The following LINC00237 variants were observed in gnomAD, a reference collection of about 807,000 sequenced individuals.
LINC00237 encodes long independently transcribed non-coding RNA 237, also known as long intergenic non-protein coding RNA 237.
At chr20:21,090,163 C>T (rs1450508830) in intron 2 of LINC00237, 1 of 152,302 alleles carries the variant, frequency 6.6e-6, no homozygotes, top group Non-Finnish European at 1.5e-5. Context: ...CATTTGGTTC[C>T]GCTTTCCGAC....
intron 1 of LINC00237, among the ~76,000 whole-genome samples, chr20:21,104,206 G>A (rs1369606921): frequency 6.6e-6 from 1 of 152,132 alleles, no homozygotes; most frequent in African/African-American, 2.4e-5. Flanking sequence ...GTTCTCCTTG[G>A]GCCCAGCCAC....
At chr20:21,090,944 C>T (rs2030783955) in intron 2 of LINC00237, among the ~76,000 whole-genome samples, 1 of 152,134 alleles carries the variant, frequency 6.6e-6, no homozygotes, top group African/African-American at 2.4e-5. Flanking sequence ...GTATCTTGAT[C>T]TTTGCCCGGG....
intron 3 of LINC00237, among the ~76,000 whole-genome samples, chr20:21,086,560 A>C (rs1174675037): frequency 9.1e-6 from 1 of 109,924 alleles, no homozygotes; most frequent in Non-Finnish European, 1.9e-5. Flanking sequence ...TGTACTATAT[A>C]TATAGTACAT....
rs6035781 is a variant in LINC00237 at position 21,099,718 on chromosome 20, G to A, written n.89-5866C>T. Among the ~76,000 whole-genome samples the A allele has an allele frequency of 6.9e-3, 1,044 of 152,206 alleles. 12 individuals are homozygous for A. The highest frequency in any genetic ancestry group is 0.024 in the African/African-American group (1,006 of 41,504). ...TTAATGATAATTACTTATTTTACAC[G>A]TTGTCGTCTGCTGATGTTTAAAAGA... On this transcript the variant is annotated intron_variant and non_coding_transcript_variant, in intron 1 of 3. Coordinates refer to ENST00000691244, the Ensembl canonical transcript of LINC00237.
At chr20:21,092,106 A>G (rs757597258) in intron 2 of LINC00237, among the ~76,000 whole-genome samples, 6 of 152,204 alleles carry the variant, frequency 3.9e-5, no homozygotes, top group Non-Finnish European at 5.9e-5. Flanking sequence ...TAAAGAGTCC[A>G]TCAGGAGATG....
At chr20:21,098,222 A>T (rs1345734286) in intron 1 of LINC00237, among the ~76,000 whole-genome samples, 1 of 152,218 alleles carries the variant, frequency 6.6e-6, no homozygotes, top group Non-Finnish European at 1.5e-5. Context: ...ATGTTTTCAA[A>T]TCACTCTGCT....
In LINC00237 at chr20:21,101,602, A is replaced by G. The variant is rs1177293027; in HGVS notation, n.88+4669T>C. 1 of 152,350 alleles carries G rather than the reference A, an allele frequency of 6.6e-6. No homozygotes were observed. Among genetic ancestry groups the G allele is most frequent in the Non-Finnish European group, 1.5e-5 (1 of 68,180 alleles). The allele number at this position is 152,350 out of a possible 1,614,324, so 9.4% of individuals were successfully genotyped here. On this transcript the variant is annotated intron_variant and non_coding_transcript_variant, in intron 1 of 3. Transcript: ENST00000691244. The surrounding 1 kb of genome is among the most constrained non-coding windows in gnomAD (Gnocchi z 4.3). ...GGCCCCAGGTTGGAGTAGCCACGCT[A>G]GCGGCTAGGCCGTTCCACCGGGTAG... is the stretch of plus-strand genomic sequence containing the variant.
intron 1 of LINC00237, among the ~76,000 whole-genome samples, chr20:21,104,885 C>T (rs2030978079): frequency 6.6e-6 from 1 of 152,200 alleles, no homozygotes; most frequent in African/African-American, 2.4e-5. Flanking sequence ...TTTTTCTATA[C>T]TGTGACCTCT....
intron 2 of LINC00237, chr20:21,090,383 GC>G (rs2122169215): frequency 6.6e-6 from 1 of 152,292 alleles, no homozygotes; most frequent in African/African-American, 2.4e-5. Flanking sequence ...CATTCTCTCA[GC>G]AGTCTTCTCT....
At position 21,101,789 on chromosome 20, in the gene LINC00237, C is replaced by G. The variant is rs1440098091; in HGVS notation, n.88+4482G>C. On this transcript the variant is annotated intron_variant and non_coding_transcript_variant, in intron 1 of 3. Coordinates refer to ENST00000691244, the Ensembl canonical transcript of LINC00237. The surrounding 1 kb of genome is among the most constrained non-coding windows in gnomAD (Gnocchi z 4.3). ...TGGTCAAGAAAGGTTTCCTCGGCTG[C>G]GCCACCGTGGGGATGGAGGTGGGAG... 2.6e-5 allele frequency among the ~76,000 whole-genome samples: 4 copies of G among 152,210 alleles called. No individual in the cohort carries two copies.
chr20:21,101,495 G>C lies in LINC00237; in HGVS notation n.88+4776C>G, dbSNP rs1425378582. ...GAGAGTGACAGAGGCGCGTGCGGGG[G>C]AAAGGCCCACCCACGCTGTCCCTGG... On this transcript the variant is annotated intron_variant and non_coding_transcript_variant, in intron 1 of 3. Transcript: ENST00000691244. The surrounding 1 kb of genome is among the most constrained non-coding windows in gnomAD (Gnocchi z 4.3). 1 of 152,186 alleles carries C rather than the reference G, an allele frequency of 6.6e-6. No homozygotes were observed. Among genetic ancestry groups the C allele is most frequent in the Non-Finnish European group, 1.5e-5 (1 of 68,090 alleles). The allele number at this position is 152,186 out of a possible 1,614,324, so 9.4% of individuals were successfully genotyped here. A position where few individuals can be genotyped will look rare whatever the true frequency, so the allele number is the denominator to read the frequency against.
At chr20:21,088,813 G>C (rs1298452072) in intron 2 of LINC00237, among the ~76,000 whole-genome samples, 2 of 152,062 alleles carry the variant, frequency 1.3e-5, no homozygotes, top group Non-Finnish European at 2.9e-5. Flanking sequence ...CCATGGGCTT[G>C]TGATGAGAGT....
intron 1 of LINC00237, among the ~76,000 whole-genome samples, chr20:21,104,198 T>A (rs1475890994): frequency 6.6e-6 from 1 of 152,170 alleles, no homozygotes; most frequent in Non-Finnish European, 1.5e-5. Flanking sequence ...TTTAAATTGT[T>A]CTCCTTGGGC....
At chr20:21,097,652 G>A (rs2122177888) in intron 1 of LINC00237, among the ~76,000 whole-genome samples, 1 of 152,122 alleles carries the variant, frequency 6.6e-6, no homozygotes, top group Admixed American at 6.5e-5. Flanking sequence ...TAATATTTTT[G>A]TGCAAGTGAA....
rs2030742916 is a variant in LINC00237, at chr20:21,088,340, G to C, written n.473-310C>G. 1.3e-5 allele frequency among the ~76,000 whole-genome samples: 2 copies of C among 152,188 alleles called. 1 individual carries two copies. The highest frequency in any genetic ancestry group is 4.1e-4 in the South Asian group (2 of 4,828). ...GTGAGCAAACCCACTCTGCATTTCTGTTATTACTGATACAGTGATGGAGCC... is the reference window on the plus strand; with the variant it reads ...GTGAGCAAACCCACTCTGCATTTCTCTTATTACTGATACAGTGATGGAGCC... On this transcript the variant is annotated intron_variant and non_coding_transcript_variant, in intron 2 of 3. Transcript: ENST00000691244.
intron 2 of LINC00237, chr20:21,090,604 C>T (rs781207113): frequency 6.6e-6 from 1 of 152,174 alleles, no homozygotes; most frequent in African/African-American, 2.4e-5. Flanking sequence ...GCATGCAGGG[C>T]CTGGCTGTTC....
At chr20:21,095,320 C>T (rs1026107004) in intron 1 of LINC00237, among the ~76,000 whole-genome samples, 4 of 152,142 alleles carry the variant, frequency 2.6e-5, no homozygotes, top group African/African-American at 4.8e-5. Context: ...GTGTCTTGGA[C>T]TTTCCACATA....
At chr20:21,097,535 C>G (rs1199291478) in intron 1 of LINC00237, among the ~76,000 whole-genome samples, 1 of 152,084 alleles carries the variant, frequency 6.6e-6, no homozygotes, top group African/African-American at 2.4e-5. Context: ...CTTAACCATT[C>G]TTTAACTTTT....
chr20:21,104,505 A>G (rs2030972317), intron 1 of LINC00237, among the ~76,000 whole-genome samples: 1 of 152,232 alleles, frequency 6.6e-6, no homozygotes. Context: ...GCCTCCTCTC[A>G]GGGCCTTTGG....
Sources: allele counts gnomAD v4.1 joint callset (sites outside exome capture counted in the v4.1 genomes callset), GRCh38; gene constraint gnomAD v4.1.1; non-coding constraint Gnocchi (gnomAD v3.1); transcripts MANE v1.5; gene names NCBI Gene and HGNC (gene_info 2026-07-23, HGNC 2026-07-21).